TEX11: variants seen among roughly 807,000 people sequenced by gnomAD.
The protein encoded by TEX11 is testis-expressed protein 11.
TEX11 carries 7 observed loss-of-function variants against 84.4 expected under a neutral mutation model. The observed-to-expected ratio is 0.08, with a 90% CI of 0.05 to 0.16. The LOEUF is 0.16. Ranked by LOEUF, TEX11 falls within the 10% of genes least tolerant of loss-of-function variation. TEX11 has a pLI of 1.00. For synonymous variants in TEX11, 264 were observed against 222.8 expected, an observed-to-expected ratio of 1.18 and a Z score of -1.64; for missense variants, 551 against 660.5, an observed-to-expected ratio of 0.83 and a Z score of 1.82.
intron 25 of TEX11, among the ~76,000 whole-genome samples, chrX:70,565,273 G>C (rs1173853119): frequency 9.3e-6 from 1 of 107,310 alleles, no homozygotes; most frequent in African/African-American, 3.4e-5. Context: ...TTGTAAATTT[G>C]TTTGAGTTCT....
rs1462721116 is a variant in TEX11 at position 70,813,055 on chromosome X, T to C, written c.607-6265A>G. Among the ~76,000 whole-genome samples the C allele has an allele frequency of 3.6e-5, 4 of 111,399 alleles. No homozygotes were observed. In the East Asian group the frequency reaches 1.1e-3, roughly 31 times the overall value. On this transcript the variant is annotated intron_variant, in intron 8 of 29. Transcript: ENST00000374333. ...TGGTACCATTCCTTCTGAAACCATT[T>C]CAATCAATAGAAAAAGAAGGAATCC...
chrX:70,633,361 C>T (rs1037385345), intron 17 of TEX11, among the ~76,000 whole-genome samples: 2 of 111,364 alleles, frequency 1.8e-5, no homozygotes, highest in Non-Finnish European at 1.9e-5. Flanking sequence ...CCATTCCTTA[C>T]CCCTCCCACC....
intron 24 of TEX11, among the ~76,000 whole-genome samples, chrX:70,599,605 G>T (rs1361226753): frequency 9.2e-6 from 1 of 108,256 alleles, no homozygotes; most frequent in East Asian, 3.0e-4. Flanking sequence ...GTGCCATGCT[G>T]GTGCGCTGCA....
At chrX:70,650,266 A>G (rs768155362) in intron 17 of TEX11, among the ~76,000 whole-genome samples, 1 of 111,469 alleles carries the variant, frequency 9.0e-6, no homozygotes, top group South Asian at 3.8e-4. Context: ...AGGACCATAC[A>G]CTAGCAAGAG....
the TEX11 span, among the ~76,000 whole-genome samples, chrX:70,518,835 T>C: frequency 3.6e-5 from 4 of 112,369 alleles, no homozygotes; most frequent in African/African-American, 1.3e-4. Context: ...TTAAGATAGC[T>C]CTTCTTGTTG....
In TEX11 at chrX:70,605,383, T is replaced by C. The variant is rs186179929; in HGVS notation, c.2067+18A>G. The C allele has an allele frequency of 5.8e-4, 635 of 1,088,776 alleles. 6 individuals are homozygous for C. The African/African-American group carries it at 9.8e-3, about 17-fold the overall frequency. The allele number at this position is 1,088,776 out of a possible 1,213,427, so 89.7% of individuals were successfully genotyped here. A position where few individuals can be genotyped will look rare whatever the true frequency, so the allele number is the denominator to read the frequency against. On this transcript the variant is annotated intron_variant, in intron 24 of 29. Coordinates refer to ENST00000374333, the MANE Select transcript of TEX11 (RefSeq NM_031276.3). ...AGCACACTGAACTCTTGTCTTTTCT[T>C]TGAAGGTTGCACATTACCTGTTCAA...
chrX:70,569,173 C>T (rs1373622421), intron 25 of TEX11, among the ~76,000 whole-genome samples: 40 of 111,927 alleles, frequency 3.6e-4, no homozygotes, highest in Admixed American at 1.5e-3. Context: ...CCATCACTGA[C>T]ACCCTTTCTT....
intron 22 of TEX11, 67 bp from the exon 23 acceptor site, chrX:70,607,096 T>C: frequency 2.4e-6 from 2 of 829,731 alleles, no homozygotes; most frequent in East Asian, 3.3e-5. Flanking sequence ...GTCTGTACCA[T>C]TACAATTTCT....
At chrX:70,718,515 T>C (rs1259386445) in intron 13 of TEX11, among the ~76,000 whole-genome samples, 2 of 112,151 alleles carry the variant, frequency 1.8e-5, no homozygotes, top group Non-Finnish European at 3.8e-5. Flanking sequence ...GCGAGAAAGA[T>C]TCAGAGTGTT....
At chrX:70,845,893 A>C (rs1394176920) in intron 7 of TEX11, among the ~76,000 whole-genome samples, 1 of 111,457 alleles carries the variant, frequency 9.0e-6, no homozygotes, top group Non-Finnish European at 1.9e-5. Flanking sequence ...CCTCTCCTCC[A>C]GATAACCATC....
intron 25 of TEX11, among the ~76,000 whole-genome samples, chrX:70,580,984 T>TTTTTTG (rs1310203560): frequency 2.6e-4 from 29 of 111,016 alleles, no homozygotes; most frequent in African/African-American, 9.5e-4. Context: ...CTAAGCACAG[T>TTTTTTG]TTTTTGTTTT....
At chrX:70,891,940 C>G in intron 2 of TEX11, among the ~76,000 whole-genome samples, 1 of 111,094 alleles carries the variant, frequency 9.0e-6, no homozygotes, top group Non-Finnish European at 1.9e-5. Flanking sequence ...GTCAGATTCT[C>G]CAAGGTTGAA....
In TEX11 at chrX:70,740,796, C is replaced by A; in HGVS notation, c.748G>T (p.Ala250Ser). 2 of 1,145,302 alleles carry A rather than the reference C, an allele frequency of 1.7e-6. No individual in the cohort carries two copies. The highest frequency in any genetic ancestry group is 2.3e-6 in the Non-Finnish European group (2 of 856,518). 94.4% of individuals were successfully genotyped at this position (1,145,302 alleles called of 1,213,427 possible). The change falls in exon 11 of 30, where the codon GCT (alanine) becomes TCT (serine). Residue 250 changes from alanine (A) to serine (S), a missense_variant and splice_region_variant. By Grantham distance (99) the Ala-to-Ser change is moderately conservative. Coordinates refer to ENST00000374333, the MANE Select transcript of TEX11 (RefSeq NM_031276.3). The stretch of plus-strand genomic sequence containing the variant: ...GTGGCTAATAGCCGTAGAACTTTAG[C>A]CTGTAAGAAAAAAAAAAAGAAAAAA... Reference protein sequence around the residue: ...DKKSTGPEMLAKVLRLLATNY... With the variant: ...DKKSTGPEMLSKVLRLLATNY...
the TEX11 span, among the ~76,000 whole-genome samples, chrX:70,517,583 C>CT: frequency 3.0e-4 from 33 of 111,015 alleles, no homozygotes; most frequent in African/African-American, 9.2e-4. Flanking sequence ...CTAAAATTCT[C>CT]TTTTTTTGTT....
chrX:70,564,202 C>G (rs1437224788), intron 25 of TEX11, among the ~76,000 whole-genome samples: 1 of 111,776 alleles, frequency 8.9e-6, no homozygotes, highest in Non-Finnish European at 1.9e-5. Flanking sequence ...GCGCTCCAGC[C>G]TGGGCGACAG....
At chrX:70,891,494 T>A (rs1035281950) in intron 2 of TEX11, among the ~76,000 whole-genome samples, 1 of 110,950 alleles carries the variant, frequency 9.0e-6, no homozygotes, top group Non-Finnish European at 1.9e-5. Context: ...AAAAAAAGAT[T>A]AGATGAATGG....
intron 20 of TEX11, among the ~76,000 whole-genome samples, chrX:70,614,985 A>G (rs1413917347): frequency 9.0e-6 from 1 of 111,631 alleles, no homozygotes; most frequent in Non-Finnish European, 1.9e-5. Flanking sequence ...CTATAGCATT[A>G]CTGGGCTTGT....
At chrX:70,733,017 C>T (rs868212490) in intron 11 of TEX11, among the ~76,000 whole-genome samples, 1 of 111,673 alleles carries the variant, frequency 9.0e-6, no homozygotes, top group Non-Finnish European at 1.9e-5. Flanking sequence ...AACTATCTGA[C>T]CTTTGACAAA....
At chrX:70,852,380 G>A (rs1481811072) in intron 7 of TEX11, among the ~76,000 whole-genome samples, 2 of 111,254 alleles carry the variant, frequency 1.8e-5, no homozygotes, top group African/African-American at 6.5e-5. Flanking sequence ...GTAGAGATGG[G>A]GGTCTTACTA....
Sources: allele counts gnomAD v4.1 joint callset (sites outside exome capture counted in the v4.1 genomes callset), GRCh38; gene constraint gnomAD v4.1.1; transcripts MANE v1.5; gene names NCBI Gene and HGNC (gene_info 2026-07-23, HGNC 2026-07-21).